Variants in STK32B observed in about 807,000 individuals in gnomAD.
The protein encoded by STK32B is serine/threonine-protein kinase 32B.
In STK32B, 43 loss-of-function variants were observed where a neutral mutation model predicts 52.6. The ratio of observed to expected loss-of-function variants is 0.82; its 90% CI spans 0.64 to 1.05. The LOEUF (loss-of-function observed/expected upper bound fraction) is 1.05. Ranked by LOEUF, STK32B falls within the 50% of genes least tolerant of loss-of-function variation. The pLI is 0.00. For synonymous variants in STK32B, 238 were observed against 204.3 expected, an observed-to-expected ratio of 1.17 and a Z score of -1.41; for missense variants, 621 against 534.6, an observed-to-expected ratio of 1.16 and a Z score of -1.59.
chr4:5,373,581 A>AT (rs1288085059), intron 4 of STK32B, among the ~76,000 whole-genome samples: 1 of 152,162 alleles, frequency 6.6e-6, no homozygotes, highest in Non-Finnish European at 1.5e-5. Flanking sequence ...CACCAATTTA[A>AT]TTATGAATCT....
At chr4:5,248,380 G>A (rs540029209) in intron 3 of STK32B, among the ~76,000 whole-genome samples, 1 of 152,316 alleles carries the variant, frequency 6.6e-6, no homozygotes, top group African/African-American at 2.4e-5. Flanking sequence ...CAAAGAAAGG[G>A]ACCTGAAGAC....
intron 1 of STK32B, among the ~76,000 whole-genome samples, chr4:5,128,074 TA>T (rs1248735802): frequency 2.6e-5 from 4 of 152,186 alleles, no homozygotes; most frequent in Admixed American, 2.0e-4. Flanking sequence ...GGTATATGTT[TA>T]TTAGCAGCGT....
chr4:5,443,510 T>C (rs1274940778), intron 6 of STK32B, among the ~76,000 whole-genome samples: 2 of 152,020 alleles, frequency 1.3e-5, no homozygotes, highest in Non-Finnish European at 2.9e-5. Flanking sequence ...TTCTTCTACA[T>C]TTTTTTCAAA....
rs1454688971 is a variant in STK32B at position 5,440,548 on chromosome 4, A to C, written c.563-6125A>C. Among the ~76,000 whole-genome samples the C allele has an allele frequency of 2.0e-5, 3 of 152,210 alleles. No homozygotes were observed. The East Asian group carries it at 5.8e-4, about 29-fold the overall frequency. ...CTAGATATACAATCATGTCATCTGC[A>C]AACAGAGACAATTTGTCTTTCTCTT... On this transcript the variant is annotated intron_variant, in intron 6 of 11. Coordinates refer to ENST00000282908, the MANE Select transcript of STK32B (RefSeq NM_018401.3).
At chr4:5,047,671 G>A (rs930876516), upstream of STK32B, among the ~76,000 whole-genome samples, 4 of 152,126 alleles carry the variant, frequency 2.6e-5, no homozygotes, top group Admixed American at 6.5e-5. Context: ...GCCCTGCAGG[G>A]CTCCTGGATG....
chr4:5,207,332 G>T (rs1722634754), intron 3 of STK32B, among the ~76,000 whole-genome samples: 5 of 152,172 alleles, frequency 3.3e-5, no homozygotes, highest in Admixed American at 3.3e-4. Flanking sequence ...ATGGAGGCAG[G>T]TTTTCCCGTG....
chr4:5,459,286 C>CG (rs939563388), intron 8 of STK32B, among the ~76,000 whole-genome samples: 3 of 58,032 alleles, frequency 5.2e-5, no homozygotes, highest in Admixed American at 2.6e-4. Flanking sequence ...TGGTGTGCCC[C>CG]CCCCCCCCAC....
In STK32B at chr4:5,380,459, A is replaced by T. The variant is rs981984958; in HGVS notation, c.435-17748A>T. 3.3e-5 allele frequency among the ~76,000 whole-genome samples: 5 copies of T among 152,116 alleles called. No individual in the cohort carries two copies. Among genetic ancestry groups the T allele is most frequent in the Admixed American group, 6.5e-5 (1 of 15,278 alleles). Reference sequence around the variant, plus strand: ...ATGCTATGTCTAATTTTGTGAACAGATATTTTGTTCACAGGACAAGAATCC... The same window carrying T: ...ATGCTATGTCTAATTTTGTGAACAGTTATTTTGTTCACAGGACAAGAATCC... On this transcript the variant is annotated intron_variant, in intron 4 of 11. Transcript: ENST00000282908. This position sits in a 1 kb window ranked among gnomAD's most constrained non-coding sequence, Gnocchi z 4.3.
intron 1 of STK32B, among the ~76,000 whole-genome samples, chr4:5,108,832 G>T (rs1299903866): frequency 6.6e-6 from 1 of 152,148 alleles, no homozygotes; most frequent in Non-Finnish European, 1.5e-5. Context: ...AAAATCACAA[G>T]TAGAAATCAT....
At chr4:5,217,456 T>C (rs867507954) in intron 3 of STK32B, among the ~76,000 whole-genome samples, 1 of 152,102 alleles carries the variant, frequency 6.6e-6, no homozygotes, top group Non-Finnish European at 1.5e-5. Flanking sequence ...GATACAGGAA[T>C]GCCAGTCCCC....
the STK32B span, among the ~76,000 whole-genome samples, chr4:5,035,062 G>A: frequency 6.6e-6 from 1 of 152,186 alleles, no homozygotes; most frequent in African/African-American, 2.4e-5. Flanking sequence ...CAATGGGGAG[G>A]TATTTTAGAG....
intron 3 of STK32B, among the ~76,000 whole-genome samples, chr4:5,222,516 G>A (rs546945826): frequency 6.6e-6 from 1 of 152,320 alleles, no homozygotes; most frequent in South Asian, 2.1e-4. Flanking sequence ...CTTAAGTGTA[G>A]ATGAGCAATG....
At chr4:5,317,341 AC>A (rs1242936041) in intron 3 of STK32B, among the ~76,000 whole-genome samples, 1 of 42,134 alleles carries the variant, frequency 2.4e-5, no homozygotes, top group Non-Finnish European at 3.4e-5. Flanking sequence ...CATATATAAT[AC>A]ATATATATAA....
chr4:5,341,634 A>C (rs997372222), intron 4 of STK32B, among the ~76,000 whole-genome samples: 1 of 152,206 alleles, frequency 6.6e-6, no homozygotes, highest in Non-Finnish European at 1.5e-5. Context: ...AAAGAAATAC[A>C]TGAGACTGAG....
chr4:5,125,505 G>A (rs1279074687), intron 1 of STK32B, among the ~76,000 whole-genome samples: 2 of 152,188 alleles, frequency 1.3e-5, no homozygotes, highest in Non-Finnish European at 2.9e-5. Flanking sequence ...AGCAGCACCT[G>A]GTGTGGGTGG....
intron 3 of STK32B, among the ~76,000 whole-genome samples, chr4:5,296,805 T>C (rs1729232895): frequency 6.6e-6 from 1 of 152,216 alleles, no homozygotes; most frequent in African/African-American, 2.4e-5. Context: ...ATCCTGTCAT[T>C]ATGATGCTAG....
intron 1 of STK32B, among the ~76,000 whole-genome samples, chr4:5,127,922 C>T (rs554397301): frequency 7.2e-4 from 110 of 152,240 alleles, no homozygotes; most frequent in African/African-American, 2.0e-3. Context: ...GGAGAGTTCC[C>T]CTACACGAGC....
chr4:5,069,338 G>A (rs1711614481), intron 1 of STK32B, among the ~76,000 whole-genome samples: 1 of 151,824 alleles, frequency 6.6e-6, no homozygotes, highest in African/African-American at 2.4e-5. Context: ...CTTTCTTTTT[G>A]ACACTGGAGC....
At chr4:5,091,203 A>G (rs1469519977) in intron 1 of STK32B, among the ~76,000 whole-genome samples, 2 of 152,164 alleles carry the variant, frequency 1.3e-5, no homozygotes, top group Non-Finnish European at 2.9e-5. Flanking sequence ...CACAGTAACA[A>G]AAAAGTAAAA....
Sources: allele counts gnomAD v4.1 joint callset (sites outside exome capture counted in the v4.1 genomes callset), GRCh38; gene constraint gnomAD v4.1.1; non-coding constraint Gnocchi (gnomAD v3.1); transcripts MANE v1.5; gene names NCBI Gene and HGNC (gene_info 2026-07-23, HGNC 2026-07-21).